HECW1: variants seen among roughly 807,000 people sequenced by gnomAD.
HECW1 encodes the protein HECT, C2 and WW domain containing E3 ubiquitin protein ligase 1.
HECW1 carries 61 observed loss-of-function variants against 182.3 expected under a neutral mutation model. The ratio of observed to expected loss-of-function variants is 0.33; its 90% CI spans 0.27 to 0.41. The LOEUF (loss-of-function observed/expected upper bound fraction) is 0.41. Among genes scored for constraint, HECW1 ranks in the 10% least tolerant of loss-of-function variants. The pLI, the probability that HECW1 is intolerant of heterozygous loss-of-function variation, is 1.00. For synonymous variants in HECW1, 859 were observed against 832.6 expected (o/e 1.03, Z -0.55); for missense variants, 1,739 against 2,108.9 (o/e 0.82, Z 3.44).
At position 43,234,629 on chromosome 7, in the gene HECW1, C is replaced by A. The variant is rs117499899; in HGVS notation, c.-31-9246C>A. 2.0e-4 allele frequency among the ~76,000 whole-genome samples: 30 copies of A among 152,270 alleles called. 2 individuals are homozygous for A. In the East Asian group the frequency reaches 5.8e-3, roughly 29 times the overall value. The stretch of plus-strand genomic sequence containing the variant: ...GCTTTTCCTGGAGACCCAGGGAAAC[C>A]TTCATCTCCTACCCACGTCTTAACA... On this transcript the variant is annotated intron_variant, in intron 2 of 29. Coordinates refer to ENST00000395891, the MANE Select transcript of HECW1 (RefSeq NM_015052.5).
At chr7:43,126,690 AT>A (rs1786278837) in intron 2 of HECW1, among the ~76,000 whole-genome samples, 1 of 152,206 alleles carries the variant, frequency 6.6e-6, no homozygotes, top group South Asian at 2.1e-4. Context: ...CAGCAAGTCT[AT>A]CGGTGCCATT....
intron 2 of HECW1, among the ~76,000 whole-genome samples, chr7:43,219,873 C>T (rs1796802375): frequency 6.6e-6 from 1 of 152,120 alleles, no homozygotes; most frequent in African/African-American, 2.4e-5. Context: ...GGGTGGTATC[C>T]TCCCTTACTA....
intron 8 of HECW1, among the ~76,000 whole-genome samples, chr7:43,426,648 T>C (rs186914495): frequency 6.6e-6 from 1 of 152,336 alleles, no homozygotes; most frequent in African/African-American, 2.4e-5. Context: ...TTTGGGTAGC[T>C]GTCCCTTTTT....
intron 3 of HECW1, among the ~76,000 whole-genome samples, chr7:43,277,993 G>T (rs1803382323): frequency 6.6e-6 from 1 of 151,974 alleles, no homozygotes; most frequent in Non-Finnish European, 1.5e-5. Flanking sequence ...GGCTGCCCCT[G>T]GGCTCAGACC....
intron 19 of HECW1, among the ~76,000 whole-genome samples, chr7:43,497,688 A>C (rs1451223056): frequency 6.6e-6 from 1 of 152,128 alleles, no homozygotes; most frequent in African/African-American, 2.4e-5. Flanking sequence ...AGAAGGGAGC[A>C]GTTTGGGGTG....
intron 2 of HECW1, among the ~76,000 whole-genome samples, chr7:43,234,910 A>G (rs1798189682): frequency 6.6e-6 from 1 of 152,228 alleles, no homozygotes; most frequent in Non-Finnish European, 1.5e-5. Context: ...ATATGTGCAC[A>G]GCAAATGAAA....
intron 13 of HECW1, among the ~76,000 whole-genome samples, chr7:43,458,943 C>T (rs554099356): frequency 6.6e-6 from 1 of 152,328 alleles, no homozygotes; most frequent in South Asian, 2.1e-4. Context: ...CTAGGAAGTA[C>T]AGAGTACACA....
chr7:43,244,891 G>A (rs955702670), intron 3 of HECW1, among the ~76,000 whole-genome samples: 1 of 152,204 alleles, frequency 6.6e-6, no homozygotes, highest in African/African-American at 2.4e-5. Context: ...AAGAAGGAGA[G>A]GGACGCCCTG....
intron 2 of HECW1, among the ~76,000 whole-genome samples, chr7:43,234,484 TCTGCAGATG>T (rs1302939093): frequency 6.6e-6 from 1 of 151,360 alleles, no homozygotes; most frequent in Non-Finnish European, 1.5e-5. Context: ...CACACTGGCC[TCTGCAGATG>T]CTCTCCCACC....
At chr7:43,384,888 G>C (rs943097990) in intron 6 of HECW1, among the ~76,000 whole-genome samples, 1 of 152,188 alleles carries the variant, frequency 6.6e-6, no homozygotes, top group South Asian at 2.1e-4. Flanking sequence ...TTACCCAAAG[G>C]CTTTGCAGTC....
At chr7:43,210,114 T>G (rs566842753) in intron 2 of HECW1, among the ~76,000 whole-genome samples, 3 of 152,246 alleles carry the variant, frequency 2.0e-5, no homozygotes, top group Non-Finnish European at 2.9e-5. Context: ...CAGCCGTATG[T>G]GGGGTGTGAG....
At chr7:43,518,214 G>A (rs888876013) in intron 24 of HECW1, among the ~76,000 whole-genome samples, 2 of 152,066 alleles carry the variant, frequency 1.3e-5, no homozygotes, top group East Asian at 3.9e-4. Flanking sequence ...GAAAAGAAAG[G>A]CCGGGCACAG....
chr7:43,130,604 T>A (rs1014453138), intron 2 of HECW1, among the ~76,000 whole-genome samples: 1 of 152,186 alleles, frequency 6.6e-6, no homozygotes, highest in African/African-American at 2.4e-5. Context: ...GGCATATCAT[T>A]AATATAGTGA....
Position 43,432,512 on chromosome 7 carries a change from T to C in HECW1, c.802-5491T>C, listed in dbSNP as rs1359914081. ...AATCGTCTCTACCTGTCCATCAGGC[T>C]GAGCCTTTGGGAAGCCTTACTATAG... On this transcript the variant is annotated intron_variant, in intron 8 of 29. Coordinates refer to ENST00000395891, the MANE Select transcript of HECW1 (RefSeq NM_015052.5). This position sits in a 1 kb window ranked among gnomAD's most constrained non-coding sequence, Gnocchi z 4.1. 2.0e-5 allele frequency among the ~76,000 whole-genome samples: 3 copies of C among 152,220 alleles called. No homozygotes were observed. Among genetic ancestry groups the C allele is most frequent in the Admixed American group, 6.5e-5 (1 of 15,284 alleles).
chr7:43,207,550 C>T (rs1795598545), intron 2 of HECW1, among the ~76,000 whole-genome samples: 1 of 152,028 alleles, frequency 6.6e-6, no homozygotes, highest in African/African-American at 2.4e-5. Context: ...GTCATCTTAC[C>T]ATGCTATAGA....
chr7:43,371,567 C>T (rs1297407570), intron 6 of HECW1, among the ~76,000 whole-genome samples: 1 of 151,728 alleles, frequency 6.6e-6, no homozygotes, highest in Non-Finnish European at 1.5e-5. Context: ...CATGTGTACA[C>T]TATTGGGCCC....
intron 8 of HECW1, among the ~76,000 whole-genome samples, chr7:43,435,340 C>G (rs2076676993): frequency 6.6e-6 from 1 of 152,074 alleles, no homozygotes; most frequent in African/African-American, 2.4e-5. Context: ...TTAGGAAGGC[C>G]TTTTTAGAGT....
chr7:43,200,084 A>G (rs920774603), intron 2 of HECW1, among the ~76,000 whole-genome samples: 1 of 152,178 alleles, frequency 6.6e-6, no homozygotes, highest in African/African-American at 2.4e-5. Flanking sequence ...CTATTATCTG[A>G]CAATTTGATT....
intron 24 of HECW1, among the ~76,000 whole-genome samples, chr7:43,514,190 T>C (rs2080018536): frequency 6.6e-6 from 1 of 152,204 alleles, no homozygotes; most frequent in Non-Finnish European, 1.5e-5. Flanking sequence ...TTTCAGGACA[T>C]TCAACCCATC....
Sources: gnomAD v4.1 joint callset for allele counts (sites outside exome capture counted in the v4.1 genomes callset) on GRCh38, gnomAD v4.1.1 for gene constraint, Gnocchi (gnomAD v3.1) non-coding constraint, MANE v1.5 for transcripts, NCBI Gene and HGNC (gene_info 2026-07-23, HGNC 2026-07-21) for gene names.